The following PAPPA variants were observed in gnomAD, a reference collection of about 807,000 sequenced individuals.
The protein encoded by PAPPA is pappalysin 1.
PAPPA carries 60 observed loss-of-function variants against 164.0 expected under a neutral mutation model. The ratio of observed to expected loss-of-function variants is 0.37; its 90% CI spans 0.30 to 0.45. The LOEUF is 0.45. Ranked by LOEUF, PAPPA falls within the 20% of genes least tolerant of loss-of-function variation. The pLI, the probability that PAPPA is intolerant of heterozygous loss-of-function variation, is 1.00. For synonymous variants in PAPPA, 875 were observed against 814.1 expected (o/e 1.07, Z -1.27); for missense variants, 1,782 against 2,087.3 (o/e 0.85, Z 2.85).
chr9:116,333,127 G>A (rs1277060315), intron 12 of PAPPA, among the ~76,000 whole-genome samples: 3 of 152,192 alleles, frequency 2.0e-5, no homozygotes, highest in Non-Finnish European at 2.9e-5. Context: ...CACATGCACC[G>A]TGGTCCAGAG....
chr9:116,153,899 A>C lies in PAPPA; in HGVS notation c.-274A>C. ...ATGAAATAAAACAAGGAGGAAGGCA[A>C]CCAGCTGTTAGGGGAAAAATAAGGC... On this transcript the variant is annotated 5_prime_UTR_variant, in exon 1 of 22. Transcript: ENST00000328252. The C allele has an allele frequency of 3.4e-5, 7 of 203,654 alleles. No individual in the cohort carries two copies. The highest frequency in any genetic ancestry group is 5.6e-5 in the Non-Finnish European group (6 of 107,822). The allele number at this position is 203,654 out of a possible 1,614,324, so 12.6% of individuals were successfully genotyped here.
At chr9:116,352,657 C>G in intron 15 of PAPPA, 49 bp from the exon 16 acceptor site, 2 of 1,438,852 alleles carry the variant, frequency 1.4e-6, no homozygotes, top group Non-Finnish European at 2.0e-6. Flanking sequence ...ATTAGCTTGG[C>G]TATCAGAGAC....
At chr9:116,275,932 G>GT (rs1845192280) in intron 9 of PAPPA, among the ~76,000 whole-genome samples, 2 of 152,074 alleles carry the variant, frequency 1.3e-5, no homozygotes, top group African/African-American at 4.8e-5. Flanking sequence ...CCCACCCCTG[G>GT]TGCCCTCATC....
In PAPPA at chr9:116,398,917, G is replaced by A. The variant is rs1313108940; in HGVS notation, c.*2301G>A. 5.7e-6 allele frequency: 2 copies of A among 348,972 alleles called. No homozygotes were observed. Among genetic ancestry groups the A allele is most frequent in the Non-Finnish European group, 1.1e-5 (2 of 178,256 alleles). 21.6% of individuals were successfully genotyped at this position (348,972 alleles called of 1,614,324 possible). A position where few individuals can be genotyped will look rare whatever the true frequency, so the allele number is the denominator to read the frequency against. ...CTTCACACTCTTGTCAACTCTCCAG[G>A]CCTCTCTCTTGCCCTGAGTTATCAG... On this transcript the variant is annotated 3_prime_UTR_variant, in exon 22 of 22. Transcript: ENST00000328252.
At chr9:116,375,405 T>C (rs999659781) in intron 19 of PAPPA, among the ~76,000 whole-genome samples, 2 of 152,228 alleles carry the variant, frequency 1.3e-5, no homozygotes, top group African/African-American at 2.4e-5. Context: ...ATTCAGCCTA[T>C]ACTAAACTGA....
intron 21 of PAPPA, among the ~76,000 whole-genome samples, chr9:116,383,009 A>G (rs1846752965): frequency 6.6e-6 from 1 of 152,218 alleles, no homozygotes; most frequent in Non-Finnish European, 1.5e-5. Flanking sequence ...GTCTTTGAGC[A>G]TTTTATTATC....
At chr9:116,286,245 G>T (rs1033243984) in intron 9 of PAPPA, 2 of 152,086 alleles carry the variant, frequency 1.3e-5, no homozygotes, top group Non-Finnish European at 2.9e-5. Flanking sequence ...AATTTTAGAA[G>T]AATGGGTGGG....
chr9:116,370,686 C>T (rs989562719), intron 19 of PAPPA, among the ~76,000 whole-genome samples: 39 of 152,162 alleles, frequency 2.6e-4, no homozygotes, highest in African/African-American at 8.0e-4. Context: ...GGTCCACCAC[C>T]GACACTTAGC....
At chr9:116,374,535 A>G (rs1426303775) in intron 19 of PAPPA, among the ~76,000 whole-genome samples, 1 of 152,198 alleles carries the variant, frequency 6.6e-6, no homozygotes, top group Admixed American at 6.5e-5. Context: ...AATAGTGGAA[A>G]ATCCAAAAGC....
At chr9:116,194,066 G>A (rs1844075677) in intron 2 of PAPPA, among the ~76,000 whole-genome samples, 1 of 152,224 alleles carries the variant, frequency 6.6e-6, no homozygotes, top group African/African-American at 2.4e-5. Flanking sequence ...CAAGAAAGAT[G>A]TGAGTCTGGT....
At chr9:116,289,260 T>TATATATGCC (rs1845395777) in intron 9 of PAPPA, among the ~76,000 whole-genome samples, 3 of 44,986 alleles carry the variant, frequency 6.7e-5, no homozygotes, top group Non-Finnish European at 1.4e-4. Flanking sequence ...ATATGTAGCA[T>TATATATGCC]ATATATATAG....
chr9:116,396,728 A>G lies in PAPPA; in HGVS notation c.*112A>G. ...TGGCCTCTCCACACCAGGGATCCTT[A>G]GCACCCAACCGGTCTGCCTTTAATT... On this transcript the variant is annotated 3_prime_UTR_variant, in exon 22 of 22. Coordinates refer to ENST00000328252, the MANE Select transcript of PAPPA (RefSeq NM_002581.5). The G allele has an allele frequency of 1.5e-6, 1 of 669,516 alleles. No homozygotes were observed. Among genetic ancestry groups the G allele is most frequent in the East Asian group, 2.6e-5 (1 of 39,074 alleles). 41.5% of individuals were successfully genotyped at this position (669,516 alleles called of 1,614,324 possible).
At chr9:116,225,832 T>A (rs1844500062) in intron 5 of PAPPA, among the ~76,000 whole-genome samples, 1 of 152,084 alleles carries the variant, frequency 6.6e-6, no homozygotes, top group African/African-American at 2.4e-5. Context: ...CATCCATCCA[T>A]CCATCCATCC....
rs761774251 is a variant in PAPPA, at chr9:116,382,384, TCC to T, written c.4678-9_4678-8del. 2 of 1,591,488 alleles carry T rather than the reference TCC, an allele frequency of 1.3e-6. No individual in the cohort carries two copies. The highest frequency in any genetic ancestry group is 8.6e-7 in the Non-Finnish European group (1 of 1,159,428). ...CAAGGCCTCATTTCCTCCTTCTGTC[TCC>T]CTTTCCAGCCCTTCATGGGAGACAA... On this transcript the variant is annotated splice_polypyrimidine_tract_variant and intron_variant, in intron 20 of 21. Transcript: ENST00000328252.
intron 7 of PAPPA, among the ~76,000 whole-genome samples, chr9:116,241,063 T>C (rs1277818185): frequency 6.6e-6 from 1 of 152,204 alleles, no homozygotes; most frequent in Non-Finnish European, 1.5e-5. Flanking sequence ...GGAAAGGAGA[T>C]GTTTATATGA....
Position 116,204,992 on chromosome 9 carries a change from A to G in PAPPA, c.1479-2464A>G, listed in dbSNP as rs534065270. Among the ~76,000 whole-genome samples, 3 of 151,878 alleles carry G rather than the reference A, an allele frequency of 2.0e-5. No individual in the cohort carries two copies. The East Asian group carries it at 5.8e-4, about 29-fold the overall frequency. On this transcript the variant is annotated intron_variant, in intron 2 of 21. Coordinates refer to ENST00000328252, the MANE Select transcript of PAPPA (RefSeq NM_002581.5). ...TTTCCCCCTGATATATTTGAGAGAC[A>G]CTCAGCCTGGCTCTGTATTAGTGGG...
intron 2 of PAPPA, among the ~76,000 whole-genome samples, chr9:116,191,876 A>G (rs968562523): frequency 7.9e-5 from 12 of 152,174 alleles, no homozygotes; most frequent in African/African-American, 7.2e-5. Flanking sequence ...AGGATTAAGG[A>G]CAACCAACAA....
chr9:116,273,549 G>A (rs1381494955), intron 9 of PAPPA, among the ~76,000 whole-genome samples: 1 of 152,150 alleles, frequency 6.6e-6, no homozygotes, highest in Non-Finnish European at 1.5e-5. Context: ...CTGGAGCCAG[G>A]TGCAGAGAGT....
intron 17 of PAPPA, among the ~76,000 whole-genome samples, chr9:116,358,111 A>G (rs1588019043): frequency 6.6e-6 from 1 of 152,278 alleles, no homozygotes; most frequent in African/African-American, 2.4e-5. Context: ...AGGAATTCAG[A>G]AGAGTCACAG....
Sources: allele counts gnomAD v4.1 joint callset (sites outside exome capture counted in the v4.1 genomes callset), GRCh38; gene constraint gnomAD v4.1.1; transcripts MANE v1.5; gene names NCBI Gene and HGNC (gene_info 2026-07-23, HGNC 2026-07-21).